Variants in WHAMM observed in about 807,000 individuals in gnomAD.
WHAMM encodes WASP homolog associated with actin, golgi membranes and microtubules, also known as WASP homolog-associated protein with actin, membranes and microtubules.
Under a neutral mutation model 76.5 loss-of-function variants are expected in WHAMM, and 67 were observed. That is an observed-to-expected ratio of 0.88 (90% CI 0.72 to 1.07). The LOEUF (loss-of-function observed/expected upper bound fraction) is 1.07, where lower values mean the gene tolerates loss of function less well. WHAMM is among the 50% of genes least tolerant of loss of function. The pLI, the probability that WHAMM is intolerant of heterozygous loss-of-function variation, is 0.00. For synonymous variants in WHAMM, 419 were observed against 422.1 expected, an observed-to-expected ratio of 0.99 and a Z score of 0.09; for missense variants, 1,021 against 1,051.1, an observed-to-expected ratio of 0.97 and a Z score of 0.40.
intron 9 of WHAMM, 139 bp from the exon 10 acceptor site, chr15:82,833,090 A>C: frequency 9.8e-7 from 1 of 1,018,662 alleles, no homozygotes; most frequent in Non-Finnish European, 1.4e-6. Flanking sequence ...GCACGTAATC[A>C]AGGCATTTGC....
chr15:82,809,689 G>A lies in WHAMM; in HGVS notation c.-38G>A. The A allele has an allele frequency of 7.4e-7, 1 of 1,343,836 alleles. No individual in the cohort carries two copies. The highest frequency in any genetic ancestry group is 1.7e-5 in the South Asian group (1 of 58,508). The allele number at this position is 1,343,836 out of a possible 1,614,324, so 83.2% of individuals were successfully genotyped here. On this transcript the variant is annotated 5_prime_UTR_variant, in exon 1 of 10. Coordinates refer to ENST00000286760, the MANE Select transcript of WHAMM (RefSeq NM_001080435.3). ...CAGGCGGTGCGAGGAGGCCAGGCCC[G>A]CGCCCGCCGAGCCCTAGGGCCGCTG...
intron 3 of WHAMM, among the ~76,000 whole-genome samples, 193 bp from the exon 4 acceptor site, chr15:82,817,727 T>C (rs2050750153): frequency 6.6e-6 from 1 of 152,282 alleles, no homozygotes; most frequent in South Asian, 2.1e-4. Flanking sequence ...TACTGTCTTT[T>C]TAAAAATGGA....
Position 82,833,764 on chromosome 15 carries a change from A to G in WHAMM, c.*228A>G, listed in dbSNP as rs2051080703. The G allele has an allele frequency of 1.9e-6, 1 of 513,882 alleles. No individual in the cohort carries two copies. Among genetic ancestry groups the G allele is most frequent in the Admixed American group, 3.4e-5 (1 of 29,340 alleles). The allele number at this position is 513,882 out of a possible 1,614,324, so 31.8% of individuals were successfully genotyped here. On this transcript the variant is annotated 3_prime_UTR_variant, in exon 10 of 10. Coordinates refer to ENST00000286760, the MANE Select transcript of WHAMM (RefSeq NM_001080435.3). ...GGGTGCAGTGGCGCCATCTCGGCTCACCGCAAGCTCCGCTTCCCAGGCTGG... is the reference window on the plus strand; with the variant it reads ...GGGTGCAGTGGCGCCATCTCGGCTCGCCGCAAGCTCCGCTTCCCAGGCTGG...
chr15:82,812,673 G>T (rs1258433831), intron 1 of WHAMM, among the ~76,000 whole-genome samples: 1 of 152,062 alleles, frequency 6.6e-6, no homozygotes, highest in African/African-American at 2.4e-5. Context: ...TTTGCACTCT[G>T]CCTCTCCATT....
At chr15:82,829,388 T>C (rs11857742) in intron 8 of WHAMM, among the ~76,000 whole-genome samples, 1,772 of 152,314 alleles carry the variant, frequency 0.012, 37 homozygotes, top group African/African-American at 0.041. Context: ...CATCCTTGGG[T>C]GGTTCAGGGA....
chr15:82,825,052 G>A (rs1345382964), intron 6 of WHAMM, among the ~76,000 whole-genome samples: 1 of 152,126 alleles, frequency 6.6e-6, no homozygotes, highest in East Asian at 1.9e-4. Context: ...TTGAAGCCAG[G>A]ATGTTGAGGC....
intron 8 of WHAMM, among the ~76,000 whole-genome samples, chr15:82,827,814 G>A (rs190361910): frequency 1.3e-5 from 2 of 152,214 alleles, no homozygotes; most frequent in East Asian, 1.9e-4. Context: ...GCATGGTGGT[G>A]CATGCCTGTA....
chr15:82,819,257 T>A (rs2050779107), intron 4 of WHAMM, 66 bp from the exon 5 acceptor site: 1 of 626,034 alleles, frequency 1.6e-6, no homozygotes, highest in Non-Finnish European at 2.4e-6. Context: ...GCTAGAATGC[T>A]TCTAAAGTTT....
Position 82,809,723 on chromosome 15 carries a change from A to G in WHAMM, c.-4A>G. ...GAGCCCTAGGGCCGCTGCTGCCGAC[A>G]GCCATGGAGGACGAGCAGCCTGACA... is the stretch of plus-strand genomic sequence containing the variant. On this transcript the variant is annotated 5_prime_UTR_variant, in exon 1 of 10. Transcript: ENST00000286760. 6.8e-7 allele frequency: 1 copy of G among 1,481,190 alleles called. No homozygotes were observed. The highest frequency in any genetic ancestry group is 9.0e-7 in the Non-Finnish European group (1 of 1,113,340). 91.8% of individuals were successfully genotyped at this position (1,481,190 alleles called of 1,614,324 possible). A position where few individuals can be genotyped will look rare whatever the true frequency, so the allele number is the denominator to read the frequency against.
intron 9 of WHAMM, among the ~76,000 whole-genome samples, chr15:82,832,353 G>T (rs1000728897): frequency 6.6e-6 from 1 of 152,178 alleles, no homozygotes; most frequent in South Asian, 2.1e-4. Context: ...GCCACAGCAC[G>T]GCCTTTCAAT....
chr15:82,813,898 G>A (rs1282661078), intron 2 of WHAMM, among the ~76,000 whole-genome samples: 2 of 151,804 alleles, frequency 1.3e-5, no homozygotes, highest in African/African-American at 4.8e-5. Flanking sequence ...GACCTCAAGC[G>A]AGCTACCCAT....
At position 82,821,142 on chromosome 15, in the gene WHAMM, ATTTCC is replaced by A. The variant is rs72288488; in HGVS notation, c.1270+1660_1270+1664del. On this transcript the variant is annotated intron_variant, in intron 5 of 9. Coordinates refer to ENST00000286760, the MANE Select transcript of WHAMM (RefSeq NM_001080435.3). ...GTCTTTGTCCATTTTTCTTTGGAAT[ATTTCC>A]TTTCCACATTAAAAATAATATCCTC... is the stretch of plus-strand genomic sequence containing the variant. Among the ~76,000 whole-genome samples, 614 of 152,248 alleles carry A rather than the reference ATTTCC, an allele frequency of 4.0e-3. 5 individuals carry two copies. Among genetic ancestry groups the A allele is most frequent in the African/African-American group, 0.014 (589 of 41,550 alleles).
intron 1 of WHAMM, 76 bp downstream of exon 1, chr15:82,810,411 G>A: frequency 8.1e-7 from 1 of 1,228,602 alleles, no homozygotes; most frequent in East Asian, 3.4e-5. Context: ...CCCCGGCGCC[G>A]AGAGCCCTGG....
At position 82,833,603 on chromosome 15, in the gene WHAMM, G is replaced by C; in HGVS notation, c.*67G>C. On this transcript the variant is annotated 3_prime_UTR_variant, in exon 10 of 10. Transcript: ENST00000286760. ...AAAGTGGGTGAGTCTTAGACCTATC[G>C]AAAAGCATACTAACAGGGTGCTGAT... 6.6e-7 allele frequency: 1 copy of C among 1,525,508 alleles called. No homozygotes were observed. The highest frequency in any genetic ancestry group is 8.8e-7 in the Non-Finnish European group (1 of 1,131,708). 94.5% of individuals were successfully genotyped at this position (1,525,508 alleles called of 1,614,324 possible). A position where few individuals can be genotyped will look rare whatever the true frequency, so the allele number is the denominator to read the frequency against.
rs547204462 is a variant in WHAMM, at chr15:82,824,581, A to G, written c.1458+1294A>G. ...GGTGATCCACCCGCCTTGGCCTCCCAAAGTGCTGGGATTACGGGCATGAGT... is the reference window on the plus strand; with the variant it reads ...GGTGATCCACCCGCCTTGGCCTCCCGAAGTGCTGGGATTACGGGCATGAGT... On this transcript the variant is annotated intron_variant, in intron 6 of 9. Coordinates refer to ENST00000286760, the MANE Select transcript of WHAMM (RefSeq NM_001080435.3). Among the ~76,000 whole-genome samples the G allele has an allele frequency of 2.6e-3, 401 of 152,114 alleles. 1 individual carries two copies. The highest frequency in any genetic ancestry group is 9.2e-3 in the African/African-American group (383 of 41,490).
chr15:82,822,830 A>G lies in WHAMM; in HGVS notation c.1271-270A>G, dbSNP rs375419476. On this transcript the variant is annotated intron_variant, in intron 5 of 9. Coordinates refer to ENST00000286760, the MANE Select transcript of WHAMM (RefSeq NM_001080435.3). ...GTAGTATGTGTGTGTGTGTGTATAT[A>G]TATATATACACACATATGTCTATAT... is the stretch of plus-strand genomic sequence containing the variant. 9.9e-3 allele frequency among the ~76,000 whole-genome samples: 1,257 copies of G among 127,530 alleles called. 6 individuals are homozygous for G. Among genetic ancestry groups the G allele is most frequent in the Middle Eastern group, 0.013 (3 of 226 alleles). The allele number at this position is 127,530 out of a possible 152,430, so 83.7% of individuals were successfully genotyped here.
Position 82,810,188 on chromosome 15 carries a change from C to CGCG in WHAMM, c.468_470dup (p.Ala157dup). 7.1e-7 allele frequency: 1 copy of CGCG among 1,404,420 alleles called. No homozygotes were observed. The highest frequency in any genetic ancestry group is 9.3e-7 in the Non-Finnish European group (1 of 1,075,510). 87.0% of individuals were successfully genotyped at this position (1,404,420 alleles called of 1,614,324 possible). On this transcript the variant is annotated inframe_insertion, in exon 1 of 10. Coordinates refer to ENST00000286760, the MANE Select transcript of WHAMM (RefSeq NM_001080435.3). ...GCGGGCAGCTGGAACGCTATCTGGG[C>CGCG]GCGGCGGCCGACGGCTGCGGCGGCG...
Position 82,809,790 on chromosome 15 carries a change from G to T in WHAMM, c.64G>T (p.Glu22Ter). ...GCCGGTCCGGGAGGGCCTCTTCGCC[G>T]AGCCCGAGAGGCACCGGCTGCGCTT... Reference protein sequence around the residue: ...WVPVREGLFAEPERHRLRFLV... With the variant: ...WVPVREGLFA Residue 22 changes from glutamate to a stop codon, truncating the protein, a stop_gained, in exon 1 of 10, where the codon GAG becomes TAG. Transcript: ENST00000286760. LOFTEE classifies it high-confidence loss of function. 1 of 1,600,890 alleles carries T rather than the reference G, an allele frequency of 6.2e-7. No homozygotes were observed. Among genetic ancestry groups the T allele is most frequent in the Non-Finnish European group, 8.5e-7 (1 of 1,174,600 alleles).
Position 82,833,217 on chromosome 15 carries a change from A to C in WHAMM, c.2123-12A>C, listed in dbSNP as rs376738762. 15 of 1,611,306 alleles carry C rather than the reference A, an allele frequency of 9.3e-6. No individual in the cohort carries two copies. The highest frequency in any genetic ancestry group is 1.7e-5 in the Admixed American group (1 of 59,688). On this transcript the variant is annotated splice_polypyrimidine_tract_variant and intron_variant, in intron 9 of 9. Transcript: ENST00000286760. ...TTTATTGATAGTACTAGCTCTGCTT[A>C]TTCAATTTCAGGATCTATGGATGAA...
Sources: gnomAD v4.1 joint callset for allele counts (sites outside exome capture counted in the v4.1 genomes callset) on GRCh38, gnomAD v4.1.1 for gene constraint, MANE v1.5 for transcripts, NCBI Gene and HGNC (gene_info 2026-07-23, HGNC 2026-07-21) for gene names.